The following LINGO2 variants were observed in gnomAD, a reference collection of about 807,000 sequenced individuals.
LINGO2 encodes the protein leucine-rich repeat and immunoglobulin-like domain-containing nogo receptor-interacting protein 2.
LINGO2 carries 14 observed loss-of-function variants against 30.6 expected under a neutral mutation model. The observed-to-expected ratio is 0.46, with a 90% CI of 0.30 to 0.72. LINGO2 has a LOEUF of 0.72. LINGO2 is among the 30% of genes least tolerant of loss of function. The pLI is 0.07. For synonymous variants in LINGO2, 317 were observed against 288.5 expected, an observed-to-expected ratio of 1.10 and a Z score of -1.00; for missense variants, 729 against 751.7, an observed-to-expected ratio of 0.97 and a Z score of 0.35.
At chr9:28,707,094 GA>G in the LINGO2 span, among the ~76,000 whole-genome samples, 2 of 151,998 alleles carry the variant, frequency 1.3e-5, no homozygotes, top group Non-Finnish European at 2.9e-5. Context: ...GATTTGCTAT[GA>G]AAAATTCACA....
intron 2 of LINGO2, among the ~76,000 whole-genome samples, chr9:28,474,422 G>T (rs1350120332): frequency 6.6e-6 from 1 of 151,834 alleles, no homozygotes; most frequent in African/African-American, 2.4e-5. Context: ...AAAAAAACTT[G>T]AGAAAGTTTT....
At chr9:29,013,024 C>T in the LINGO2 span, among the ~76,000 whole-genome samples, 2 of 152,166 alleles carry the variant, frequency 1.3e-5, no homozygotes, top group Admixed American at 6.5e-5. Context: ...TGACTGTCTA[C>T]AGCTAAAAGA....
At chr9:28,675,959 ATG>A in the LINGO2 span, among the ~76,000 whole-genome samples, 1 of 148,644 alleles carries the variant, frequency 6.7e-6, no homozygotes. Flanking sequence ...ACAGATATAT[ATG>A]TATATATACA....
At chr9:28,463,491 T>G (rs1395387655) in intron 2 of LINGO2, among the ~76,000 whole-genome samples, 1 of 152,104 alleles carries the variant, frequency 6.6e-6, no homozygotes, top group Non-Finnish European at 1.5e-5. Flanking sequence ...ATACTAGGAC[T>G]TTTCATTTCT....
At chr9:28,848,068 TAA>T in the LINGO2 span, among the ~76,000 whole-genome samples, 1,111 of 87,466 alleles carry the variant, frequency 0.013, 224 homozygotes, top group Non-Finnish European at 0.014. Flanking sequence ...TATATGTATA[TAA>T]TATATATATA....
chr9:28,619,419 A>G (rs1186579927), intron 1 of LINGO2, among the ~76,000 whole-genome samples: 1 of 152,136 alleles, frequency 6.6e-6, no homozygotes, highest in East Asian at 1.9e-4. Context: ...GCTTCAGATA[A>G]CCACCTATAT....
rs769804763 is a variant in LINGO2, at chr9:28,264,419, G to A, written c.-87+30789C>T. 3.3e-5 allele frequency among the ~76,000 whole-genome samples: 5 copies of A among 151,952 alleles called. 1 individual carries two copies. The highest frequency in any genetic ancestry group is 4.1e-4 in the South Asian group (2 of 4,822). On this transcript the variant is annotated intron_variant, in intron 4 of 5. Transcript: ENST00000379992. ...AAAAGAAATACAATGGCTTTAAAACGCATTATTTTTTAACTTAATATAAAT... is the reference window on the plus strand; with the variant it reads ...AAAAGAAATACAATGGCTTTAAAACACATTATTTTTTAACTTAATATAAAT...
chr9:28,003,481 T>C (rs772461706), intron 5 of LINGO2, among the ~76,000 whole-genome samples: 8 of 152,114 alleles, frequency 5.3e-5, no homozygotes, highest in Non-Finnish European at 8.8e-5. Context: ...ATTTTTGAGA[T>C]GGAGTCTCGC....
chr9:28,666,525 C>A (rs1264504941), intron 1 of LINGO2, among the ~76,000 whole-genome samples: 1 of 152,126 alleles, frequency 6.6e-6, no homozygotes, highest in African/African-American at 2.4e-5. Context: ...TACTCCTAGT[C>A]AACTAAATAA....
chr9:28,101,471 T>C lies in LINGO2; in HGVS notation c.-86-89066A>G, dbSNP rs139618886. 8.8e-4 allele frequency among the ~76,000 whole-genome samples: 134 copies of C among 152,314 alleles called. 2 individuals carry two copies. The East Asian group carries it at 0.014, about 16-fold the overall frequency. ...AGGGGAGAAAAAGGCTTCTAATTTC[T>C]TGCTATTGTCAATGCTGCACAGCCT... On this transcript the variant is annotated intron_variant, in intron 4 of 5. Coordinates refer to ENST00000379992, the Ensembl canonical transcript of LINGO2.
chr9:29,170,403 C>T, the LINGO2 span, among the ~76,000 whole-genome samples: 1 of 151,930 alleles, frequency 6.6e-6, no homozygotes, highest in Non-Finnish European at 1.5e-5. Context: ...ACAATGGGTA[C>T]ACATGACATA....
At chr9:28,932,616 T>C in the LINGO2 span, among the ~76,000 whole-genome samples, 1 of 152,132 alleles carries the variant, frequency 6.6e-6, no homozygotes, top group African/African-American at 2.4e-5. Context: ...TCCTCTGGGT[T>C]GTCTAACAAG....
chr9:28,849,579 T>G, the LINGO2 span, among the ~76,000 whole-genome samples: 1 of 151,982 alleles, frequency 6.6e-6, no homozygotes, highest in Admixed American at 6.6e-5. Context: ...AGCTGAGACT[T>G]TTACAGTGCT....
rs185310673 is a variant in LINGO2 at position 28,439,086 on chromosome 9, G to T, written c.-279+36854C>A. Among the ~76,000 whole-genome samples the T allele has an allele frequency of 8.4e-3, 1,219 of 145,522 alleles. 18 individuals carry two copies. Among genetic ancestry groups the T allele is most frequent in the African/African-American group, 0.027 (1,091 of 39,882 alleles). ...TATATATAATGAAATATAGATAATA[G>T]CTATACATTATATATAATGAAATAT... On this transcript the variant is annotated intron_variant, in intron 2 of 5. Transcript: ENST00000379992.
At chr9:28,607,150 G>A (rs1372350496) in intron 1 of LINGO2, among the ~76,000 whole-genome samples, 2 of 151,870 alleles carry the variant, frequency 1.3e-5, no homozygotes, top group Non-Finnish European at 2.9e-5. Context: ...ATGATCCATT[G>A]GTGACCAGAA....
chr9:29,085,350 G>C, the LINGO2 span, among the ~76,000 whole-genome samples: 28,606 of 142,974 alleles, frequency 0.2, 2,982 homozygotes, highest in South Asian at 0.25. Context: ...GATGTTTGCT[G>C]TCTTAAGAAA....
intron 3 of LINGO2, among the ~76,000 whole-genome samples, chr9:28,328,770 T>C (rs1373968609): frequency 6.6e-6 from 1 of 152,158 alleles, no homozygotes; most frequent in African/African-American, 2.4e-5. Flanking sequence ...AAATAAGTTA[T>C]AGGATTCTTC....
chr9:28,560,163 G>A (rs1308212731), intron 1 of LINGO2, among the ~76,000 whole-genome samples: 2 of 151,954 alleles, frequency 1.3e-5, no homozygotes, highest in African/African-American at 4.8e-5. Context: ...TTTGGGTACT[G>A]TGAGGATTAA....
At chr9:28,077,773 T>C (rs1318854575) in intron 4 of LINGO2, among the ~76,000 whole-genome samples, 1 of 146,748 alleles carries the variant, frequency 6.8e-6, no homozygotes, top group Non-Finnish European at 1.5e-5. Flanking sequence ...TTATTTGATA[T>C]GGTTGTAAAA....
Sources: gnomAD v4.1 joint callset for allele counts (sites outside exome capture counted in the v4.1 genomes callset) on GRCh38, gnomAD v4.1.1 for gene constraint, MANE v1.5 for transcripts, NCBI Gene and HGNC (gene_info 2026-07-23, HGNC 2026-07-21) for gene names.